EPHA6: variants seen among roughly 807,000 people sequenced by gnomAD.
EPHA6 encodes the protein EPH receptor A6.
In EPHA6, 50 loss-of-function variants were observed where a neutral mutation model predicts 112.0. The observed-to-expected ratio is 0.45, with a 90% CI of 0.36 to 0.56. The LOEUF (loss-of-function observed/expected upper bound fraction) is 0.56. Ranked by LOEUF, EPHA6 falls within the 20% of genes least tolerant of loss-of-function variation. The pLI is 0.00. For missense variants in EPHA6, 1,280 were observed against 1,417.4 expected (o/e 0.90, Z 1.56); for synonymous variants, 529 against 490.7 (o/e 1.08, Z -1.03).
At chr3:97,363,181 TATATATATATATATATATATATA>T in intron 5 of EPHA6, among the ~76,000 whole-genome samples, 1 of 2,416 alleles carries the variant, frequency 4.1e-4, no homozygotes, top group Non-Finnish European at 1.0e-3. Flanking sequence ...AATATATATA[TATATATATATATATATATATATA>T]TATATATATA....
At chr3:97,020,569 G>GT (rs2107977779) in intron 3 of EPHA6, among the ~76,000 whole-genome samples, 1 of 152,248 alleles carries the variant, frequency 6.6e-6, no homozygotes, top group African/African-American at 2.4e-5. Context: ...AAGAATTGTA[G>GT]TTTTGTGGTC....
At chr3:97,069,114 C>T (rs1169822995) in intron 3 of EPHA6, among the ~76,000 whole-genome samples, 1 of 152,116 alleles carries the variant, frequency 6.6e-6, no homozygotes, top group South Asian at 2.1e-4. Context: ...GTGACTACCC[C>T]ACAGTTTAAC....
At chr3:97,172,818 C>G (rs2076736836) in intron 3 of EPHA6, among the ~76,000 whole-genome samples, 1 of 152,054 alleles carries the variant, frequency 6.6e-6, no homozygotes, top group South Asian at 2.1e-4. Flanking sequence ...ATTTACTTTT[C>G]TGTTGCTCAA....
rs1235738661 is a variant in EPHA6, at chr3:96,998,874, C to A, written c.1114+10881C>A. ...GTCTTTGAAATAATTTAAATCTCAG[C>A]AATAATTTCCAGGTTTAGAATTTTC... On this transcript the variant is annotated intron_variant, in intron 3 of 17. Transcript: ENST00000389672. 3.3e-5 allele frequency among the ~76,000 whole-genome samples: 5 copies of A among 151,940 alleles called. No individual in the cohort carries two copies. The East Asian group carries it at 9.7e-4, about 29-fold the overall frequency.
At chr3:97,287,359 TA>T (rs969516076) in intron 5 of EPHA6, among the ~76,000 whole-genome samples, 2 of 151,466 alleles carry the variant, frequency 1.3e-5, no homozygotes, top group Non-Finnish European at 2.9e-5. Context: ...CTCTTCATGA[TA>T]AAAAAAACTC....
At chr3:96,823,844 C>T (rs751612267) in intron 1 of EPHA6, among the ~76,000 whole-genome samples, 1 of 151,900 alleles carries the variant, frequency 6.6e-6, no homozygotes, top group Non-Finnish European at 1.5e-5. Context: ...AGAAAGAGAT[C>T]TTCATTTTCA....
intron 3 of EPHA6, among the ~76,000 whole-genome samples, chr3:97,027,675 C>T (rs1329505798): frequency 6.6e-6 from 1 of 152,104 alleles, no homozygotes; most frequent in African/African-American, 2.4e-5. Context: ...TGTTTAATGT[C>T]CCAAACTCAA....
intron 3 of EPHA6, among the ~76,000 whole-genome samples, chr3:97,022,485 A>G (rs2044496512): frequency 1.3e-5 from 2 of 152,348 alleles, no homozygotes; most frequent in African/African-American, 2.4e-5. Flanking sequence ...ATCTGTGATG[A>G]CAGCTCTTAT....
At chr3:97,102,912 C>A (rs2047447402) in intron 3 of EPHA6, among the ~76,000 whole-genome samples, 2 of 151,946 alleles carry the variant, frequency 1.3e-5, no homozygotes, top group Admixed American at 1.3e-4. Context: ...TGCTTTTTGG[C>A]CACATGCATG....
At chr3:97,521,047 T>C (rs1216615262) in intron 10 of EPHA6, among the ~76,000 whole-genome samples, 1 of 152,022 alleles carries the variant, frequency 6.6e-6, no homozygotes, top group African/African-American at 2.4e-5. Context: ...GATTTCTGCT[T>C]GGTTCTTTTT....
chr3:97,295,295 A>G (rs561371092), intron 5 of EPHA6, among the ~76,000 whole-genome samples: 24 of 152,080 alleles, frequency 1.6e-4, no homozygotes, highest in Admixed American at 7.9e-4. Context: ...TGTCTGACAT[A>G]GTAATTTCAA....
chr3:96,819,452 C>A (rs60220802), intron 1 of EPHA6, among the ~76,000 whole-genome samples: 6,182 of 151,984 alleles, frequency 0.041, 376 homozygotes, highest in African/African-American at 0.13. Flanking sequence ...TTTCTCTCTC[C>A]CACCTCACAT....
At chr3:97,596,777 C>CATATAT (rs57541953) in intron 12 of EPHA6, among the ~76,000 whole-genome samples, 2,560 of 106,084 alleles carry the variant, frequency 0.024, 45 homozygotes, top group Non-Finnish European at 0.03. Context: ...AACTCATATA[C>CATATAT]ATATATATAT....
intron 17 of EPHA6, among the ~76,000 whole-genome samples, chr3:97,748,072 A>T (rs181384510): frequency 1.1e-4 from 16 of 152,182 alleles, no homozygotes; most frequent in Non-Finnish European, 1.9e-4. Flanking sequence ...AATCATATTA[A>T]ATTGCCATTG....
chr3:97,612,415 G>T (rs1034669297), intron 13 of EPHA6: 2 of 421,772 alleles, frequency 4.7e-6, no homozygotes, highest in African/African-American at 4.1e-5. Flanking sequence ...AAACAGTGTA[G>T]CAGATATTCA....
intron 10 of EPHA6, among the ~76,000 whole-genome samples, chr3:97,510,189 C>A (rs2092337454): frequency 1.3e-5 from 2 of 152,174 alleles, no homozygotes. Context: ...CCTGCTTCTG[C>A]CTATTTGTCA....
intron 10 of EPHA6, among the ~76,000 whole-genome samples, chr3:97,491,729 C>T (rs1009946216): frequency 4.0e-5 from 6 of 151,604 alleles, no homozygotes; most frequent in Non-Finnish European, 8.8e-5. Context: ...CAGTCATCCC[C>T]AGGCCTACTT....
chr3:96,990,405 G>C (rs925657314), intron 3 of EPHA6, among the ~76,000 whole-genome samples: 2 of 152,036 alleles, frequency 1.3e-5, no homozygotes, highest in Non-Finnish European at 2.9e-5. Context: ...AGAAACATGA[G>C]GGAGTCAGTA....
chr3:97,000,535 G>A (rs1225211619), intron 3 of EPHA6, among the ~76,000 whole-genome samples: 3 of 151,646 alleles, frequency 2.0e-5, no homozygotes, highest in Non-Finnish European at 2.9e-5. Flanking sequence ...CACAAAATAA[G>A]GGAACTGTGC....
Sources: gnomAD v4.1 joint callset for allele counts (sites outside exome capture counted in the v4.1 genomes callset) on GRCh38, gnomAD v4.1.1 for gene constraint, MANE v1.5 for transcripts, NCBI Gene and HGNC (gene_info 2026-07-23, HGNC 2026-07-21) for gene names.